Variants in CSMD1 observed in about 807,000 individuals in gnomAD.
CSMD1 encodes CUB and sushi domain-containing protein 1.
Under a neutral mutation model 417.5 loss-of-function variants are expected in CSMD1, and 213 were observed. That is an observed-to-expected ratio of 0.51 (90% CI 0.46 to 0.57). The LOEUF is 0.57. Among genes scored for constraint, CSMD1 ranks in the 20% least tolerant of loss-of-function variants. The pLI, the probability that CSMD1 is intolerant of heterozygous loss-of-function variation, is 0.00. For synonymous variants in CSMD1, 2,862 were observed against 1,736.8 expected, an observed-to-expected ratio of 1.65 and a Z score of -16.11; for missense variants, 6,923 against 4,529.7, an observed-to-expected ratio of 1.53 and a Z score of -15.17.
chr8:4,641,418 T>A (rs547148760), intron 1 of CSMD1, among the ~76,000 whole-genome samples: 1 of 152,246 alleles, frequency 6.6e-6, no homozygotes, highest in Admixed American at 6.5e-5. Context: ...CAACCTTCCA[T>A]ACACAGAGTT....
intron 1 of CSMD1, among the ~76,000 whole-genome samples, chr8:4,659,857 A>G (rs1011999446): frequency 6.6e-6 from 1 of 152,278 alleles, no homozygotes; most frequent in Admixed American, 6.5e-5. Flanking sequence ...GCTAAACAAT[A>G]AAAATCAAAT....
At chr8:4,912,359 CTTT>C (rs10578105) in intron 1 of CSMD1, among the ~76,000 whole-genome samples, 4 of 148,354 alleles carry the variant, frequency 2.7e-5, no homozygotes, top group African/African-American at 9.8e-5. Context: ...TCATTTTCTG[CTTT>C]TTTTTTTTTT....
At chr8:4,073,148 G>T (rs146849808) in intron 3 of CSMD1, among the ~76,000 whole-genome samples, 2 of 152,130 alleles carry the variant, frequency 1.3e-5, no homozygotes, top group South Asian at 4.1e-4. Context: ...GAAAACTTTT[G>T]TGATTTCACT....
At chr8:3,964,789 T>C (rs1467950674) in intron 5 of CSMD1, among the ~76,000 whole-genome samples, 1 of 152,220 alleles carries the variant, frequency 6.6e-6, no homozygotes, top group Non-Finnish European at 1.5e-5. Flanking sequence ...CCAACAATTA[T>C]TTGCTGACAA....
At chr8:3,556,419 A>ATATATATATATT (rs1211530784) in intron 10 of CSMD1, among the ~76,000 whole-genome samples, 1 of 146,002 alleles carries the variant, frequency 6.8e-6, no homozygotes, top group African/African-American at 2.5e-5. Flanking sequence ...ATATATTCAC[A>ATATATATATATT]CACACAAAGA....
intron 49 of CSMD1, among the ~76,000 whole-genome samples, chr8:3,086,155 A>G (rs1814514587): frequency 1.3e-5 from 2 of 152,120 alleles, no homozygotes; most frequent in Non-Finnish European, 2.9e-5. Flanking sequence ...GCAAATGAGA[A>G]ATATATCTTC....
At chr8:4,739,608 C>G (rs1429672232) in intron 1 of CSMD1, among the ~76,000 whole-genome samples, 2 of 152,074 alleles carry the variant, frequency 1.3e-5, no homozygotes, top group African/African-American at 2.4e-5. Context: ...TCCGAGAAAC[C>G]CACATGCTCA....
chr8:3,195,369 G>A, intron 33 of CSMD1, among the ~76,000 whole-genome samples: 1 of 152,080 alleles, frequency 6.6e-6, no homozygotes, highest in South Asian at 2.1e-4. Flanking sequence ...TTTTCAGGCG[G>A]ATTGATTCTA....
chr8:2,951,248 G>A lies in CSMD1; in HGVS notation c.10067C>T (p.Ser3356Leu). ...ATATTCATAATACCCCTTCCACAGTGAATTGACGAAAAAGACATCTGAAGG... is the reference window on the plus strand; with the variant it reads ...ATATTCATAATACCCCTTCCACAGTAAATTGACGAAAAAGACATCTGAAGG... The part of the protein sequence containing the change: ...PVPSDVFFVN[S>L]LWKGYYEYLG... Residue 3356 changes from serine to leucine, a missense_variant, in exon 66 of 70, where the codon TCA becomes TTA. Coordinates refer to ENST00000635120, the MANE Select transcript of CSMD1 (RefSeq NM_033225.6). The A allele has an allele frequency of 1.2e-6, 2 of 1,605,764 alleles. No individual in the cohort carries two copies. The highest frequency in any genetic ancestry group is 1.7e-6 in the Non-Finnish European group (2 of 1,175,780).
intron 5 of CSMD1, among the ~76,000 whole-genome samples, chr8:3,843,799 G>T (rs186321116): frequency 4.8e-4 from 73 of 152,302 alleles, no homozygotes; most frequent in African/African-American, 1.5e-3. Flanking sequence ...GTGCATGAAA[G>T]TAATACTTCC....
chr8:3,397,367 A>C (rs1811766887), intron 16 of CSMD1, among the ~76,000 whole-genome samples: 1 of 152,182 alleles, frequency 6.6e-6, no homozygotes, highest in African/African-American at 2.4e-5. Context: ...TAGCAACAGA[A>C]AACGATGTTG....
At chr8:3,481,027 G>A (rs1035561169) in intron 11 of CSMD1, among the ~76,000 whole-genome samples, 2 of 151,536 alleles carry the variant, frequency 1.3e-5, no homozygotes, top group South Asian at 2.1e-4. Flanking sequence ...GTGGTGGCAG[G>A]CACCTGTAGT....
chr8:3,147,454 G>A (rs575481770), intron 40 of CSMD1, among the ~76,000 whole-genome samples: 1 of 152,296 alleles, frequency 6.6e-6, no homozygotes, highest in East Asian at 1.9e-4. Context: ...GCTTCCTGAA[G>A]GAGTCTGACT....
intron 1 of CSMD1, among the ~76,000 whole-genome samples, chr8:4,849,548 T>C (rs570045844): frequency 2.6e-4 from 39 of 152,368 alleles, no homozygotes; most frequent in African/African-American, 7.2e-4. Context: ...ACTCCATTTA[T>C]GACAAGTACT....
chr8:3,594,187 A>T (rs1161555757), intron 8 of CSMD1, among the ~76,000 whole-genome samples: 2 of 152,134 alleles, frequency 1.3e-5, no homozygotes, highest in African/African-American at 4.8e-5. Flanking sequence ...GCACTCATTT[A>T]CGGCCGTCCC....
chr8:3,124,727 T>A (rs892130460), intron 41 of CSMD1, among the ~76,000 whole-genome samples: 4 of 152,188 alleles, frequency 2.6e-5, no homozygotes, highest in Admixed American at 2.0e-4. Flanking sequence ...AGGACGTTCA[T>A]TAGAACACAT....
At chr8:4,219,356 C>T (rs1333213130) in intron 3 of CSMD1, among the ~76,000 whole-genome samples, 1 of 152,188 alleles carries the variant, frequency 6.6e-6, no homozygotes, top group East Asian at 1.9e-4. Context: ...GAATTGGGCA[C>T]ATCCCCCTGG....
At chr8:3,564,281 A>G (rs569957252) in intron 10 of CSMD1, among the ~76,000 whole-genome samples, 1 of 152,212 alleles carries the variant, frequency 6.6e-6, no homozygotes, top group Admixed American at 6.5e-5. Flanking sequence ...TTAAGAAAAA[A>G]AAGAAACGGA....
chr8:4,678,589 G>A (rs2130968977), intron 1 of CSMD1, among the ~76,000 whole-genome samples: 1 of 152,174 alleles, frequency 6.6e-6, no homozygotes, highest in East Asian at 1.9e-4. Flanking sequence ...GAAATTAAGT[G>A]AAGAAATAAA....
Sources: gnomAD v4.1 joint callset for allele counts (sites outside exome capture counted in the v4.1 genomes callset) on GRCh38, gnomAD v4.1.1 for gene constraint, MANE v1.5 for transcripts, NCBI Gene and HGNC (gene_info 2026-07-23, HGNC 2026-07-21) for gene names.